The following DCDC2C variants were observed in gnomAD, a reference collection of about 807,000 sequenced individuals.
DCDC2C encodes the protein doublecortin domain-containing protein 2C.
Under a neutral mutation model 45.0 loss-of-function variants are expected in DCDC2C, and 44 were observed. The observed-to-expected ratio is 0.98, with a 90% CI of 0.77 to 1.26. The LOEUF (loss-of-function observed/expected upper bound fraction) is 1.26. Among genes scored for constraint, DCDC2C ranks in the 50% most tolerant of loss-of-function variants. The pLI, the probability that DCDC2C is intolerant of heterozygous loss-of-function variation, is 0.00. For synonymous variants in DCDC2C, 187 were observed against 178.8 expected (o/e 1.05, Z -0.37); for missense variants, 447 against 468.9 (o/e 0.95, Z 0.43).
intron 10 of DCDC2C, among the ~76,000 whole-genome samples, chr2:3,844,966 A>G (rs1239718372): frequency 2.6e-5 from 4 of 152,234 alleles, no homozygotes; most frequent in African/African-American, 9.6e-5. Context: ...ATAATTATAC[A>G]TACCTATTTT....
chr2:3,800,263 C>T (rs931135102), intron 10 of DCDC2C, among the ~76,000 whole-genome samples: 1 of 152,218 alleles, frequency 6.6e-6, no homozygotes, highest in Non-Finnish European at 1.5e-5. Context: ...CCTGCGCCCA[C>T]TGTCTGGCAC....
At chr2:3,728,287 A>G (rs1668755974) in intron 3 of DCDC2C, among the ~76,000 whole-genome samples, 1 of 152,218 alleles carries the variant, frequency 6.6e-6, no homozygotes, top group Non-Finnish European at 1.5e-5. Context: ...CATTTCTTTA[A>G]AATACTTTAA....
chr2:3,746,542 T>C (rs1477925567), intron 4 of DCDC2C, among the ~76,000 whole-genome samples: 1 of 152,206 alleles, frequency 6.6e-6, no homozygotes, highest in Non-Finnish European at 1.5e-5. Context: ...TGCTTGTGAA[T>C]TTCTCTGAGG....
chr2:3,814,979 G>A (rs1456294255), intron 10 of DCDC2C, among the ~76,000 whole-genome samples: 3 of 152,272 alleles, frequency 2.0e-5, no homozygotes, highest in Admixed American at 6.5e-5. Flanking sequence ...GCAGTGGCGA[G>A]TCCCAGTGCT....
At chr2:3,820,144 G>A (rs896046056) in intron 10 of DCDC2C, among the ~76,000 whole-genome samples, 1 of 152,162 alleles carries the variant, frequency 6.6e-6, no homozygotes, top group Non-Finnish European at 1.5e-5. Flanking sequence ...TGGACGTCAG[G>A]CACCTCAGAC....
intron 9 of DCDC2C, among the ~76,000 whole-genome samples, chr2:3,780,275 T>G (rs774171963): frequency 6.6e-6 from 1 of 152,140 alleles, no homozygotes; most frequent in Non-Finnish European, 1.5e-5. Context: ...TGCTCTTATG[T>G]GAATGGCATA....
chr2:3,742,075 G>C (rs1669232026), intron 4 of DCDC2C, 27 bp downstream of exon 4: 1 of 1,502,448 alleles, frequency 6.7e-7, no homozygotes, highest in African/African-American at 1.4e-5. Flanking sequence ...CTTTAGGACA[G>C]CCAGGGGGCG....
intron 10 of DCDC2C, among the ~76,000 whole-genome samples, chr2:3,802,467 T>C (rs73910379): frequency 0.021 from 3,189 of 152,272 alleles, 127 homozygotes; most frequent in African/African-American, 0.073. Flanking sequence ...GGACACTGAG[T>C]ATAGGCTGCT....
chr2:3,716,937 C>T (rs988151111), intron 2 of DCDC2C, among the ~76,000 whole-genome samples: 3 of 152,148 alleles, frequency 2.0e-5, no homozygotes, highest in African/African-American at 7.2e-5. Context: ...TTTACCCATC[C>T]ATCAGGTGGT....
intron 10 of DCDC2C, among the ~76,000 whole-genome samples, chr2:3,814,941 C>A (rs1217612761): frequency 2.0e-5 from 3 of 152,264 alleles, no homozygotes; most frequent in Admixed American, 6.5e-5. Context: ...GGATACCCTT[C>A]TCCCACCCAG....
chr2:3,797,779 T>A, intron 10 of DCDC2C, among the ~76,000 whole-genome samples: 1 of 151,914 alleles, frequency 6.6e-6, no homozygotes, highest in Non-Finnish European at 1.5e-5. Context: ...TGAGGAGAGC[T>A]TTACTTCCAA....
chr2:3,811,349 A>G (rs183817934), intron 10 of DCDC2C, among the ~76,000 whole-genome samples: 3 of 152,250 alleles, frequency 2.0e-5, no homozygotes, highest in East Asian at 1.9e-4. Flanking sequence ...GCGATTGTGA[A>G]TGGGAGTTCA....
intron 10 of DCDC2C, among the ~76,000 whole-genome samples, chr2:3,827,116 C>A (rs1489600012): frequency 6.6e-6 from 1 of 152,164 alleles, no homozygotes; most frequent in Non-Finnish European, 1.5e-5. Flanking sequence ...CACACCCCAG[C>A]CCATCACCCA....
intron 6 of DCDC2C, among the ~76,000 whole-genome samples, chr2:3,760,657 A>T (rs949571267): frequency 5.9e-5 from 9 of 152,122 alleles, no homozygotes; most frequent in Admixed American, 5.9e-4. Context: ...GGAGGGGCAC[A>T]TCACACACTG....
intron 5 of DCDC2C, among the ~76,000 whole-genome samples, chr2:3,753,145 C>G (rs925359541): frequency 6.6e-6 from 1 of 152,154 alleles, no homozygotes; most frequent in Non-Finnish European, 1.5e-5. Flanking sequence ...TCTGGGATAC[C>G]AGGAGTCTTA....
chr2:3,829,636 G>A (rs1671906702), intron 10 of DCDC2C, among the ~76,000 whole-genome samples: 1 of 152,126 alleles, frequency 6.6e-6, no homozygotes, highest in South Asian at 2.1e-4. Context: ...AATCACAATG[G>A]TTTATTTTTT....
chr2:3,832,750 G>A (rs1454237), intron 10 of DCDC2C, among the ~76,000 whole-genome samples: 52,524 of 152,026 alleles, frequency 0.35, 9,179 homozygotes, highest in South Asian at 0.4. Context: ...AGCACTGAGC[G>A]CAGGGCTCAA....
chr2:3,813,038 CGTATATAT>C lies in DCDC2C; in HGVS notation c.1065+27939_1065+27946del, dbSNP rs1291976709. Among the ~76,000 whole-genome samples, 60 of 29,988 alleles carry C rather than the reference CGTATATAT, an allele frequency of 2.0e-3. No homozygotes were observed. The East Asian group carries it at 0.025, about 13-fold the overall frequency. The allele number at this position is 29,988 out of a possible 152,430, so 19.7% of individuals were successfully genotyped here. ...AAGTGCTATGTGGCACTGAGAAGAA[CGTATATAT>C]ATATATATATATATATATATATTTT... On this transcript the variant is annotated intron_variant, in intron 10 of 10. Coordinates refer to ENST00000399143, the MANE Select transcript of DCDC2C (RefSeq NM_001287444.2).
chr2:3,712,673 A>G (rs539288350), intron 2 of DCDC2C, among the ~76,000 whole-genome samples: 5 of 152,152 alleles, frequency 3.3e-5, no homozygotes, highest in African/African-American at 1.2e-4. Flanking sequence ...TTCCTTGCTT[A>G]TTATGTTCCA....
Sources: gnomAD v4.1 joint callset for allele counts (sites outside exome capture counted in the v4.1 genomes callset) on GRCh38, gnomAD v4.1.1 for gene constraint, MANE v1.5 for transcripts, NCBI Gene and HGNC (gene_info 2026-07-23, HGNC 2026-07-21) for gene names.